TRIO: variants seen among roughly 807,000 people sequenced by gnomAD.
TRIO encodes trio Rho guanine nucleotide exchange factor.
TRIO carries 58 observed loss-of-function variants against 351.9 expected under a neutral mutation model. The observed-to-expected ratio is 0.16, with a 90% CI of 0.13 to 0.21. TRIO has a LOEUF of 0.21. Ranked by LOEUF, TRIO falls within the 10% of genes least tolerant of loss-of-function variation. The pLI, the probability that TRIO is intolerant of heterozygous loss-of-function variation, is 1.00. For missense variants in TRIO, 3,201 were observed against 4,027.8 expected (o/e 0.79, Z 5.56); for synonymous variants, 1,758 against 1,595.7 (o/e 1.10, Z -2.42).
intron 39 of TRIO, 69 bp from the exon 40 acceptor site, chr5:14,473,925 A>T: frequency 6.7e-7 from 1 of 1,496,656 alleles, no homozygotes; most frequent in Non-Finnish European, 9.2e-7. Context: ...TGTGACTATT[A>T]ATCAATAAGC....
At chr5:14,330,214 C>G (rs1740781016) in intron 9 of TRIO, among the ~76,000 whole-genome samples, 1 of 152,132 alleles carries the variant, frequency 6.6e-6, no homozygotes, top group African/African-American at 2.4e-5. Context: ...TAATTAAATT[C>G]ATGAAATGCT....
intron 33 of TRIO, among the ~76,000 whole-genome samples, chr5:14,415,844 T>A (rs1393735356): frequency 1.3e-5 from 2 of 152,224 alleles, no homozygotes; most frequent in African/African-American, 4.8e-5. Flanking sequence ...ATTAAGGCTG[T>A]TTTGTTGTCT....
At chr5:14,482,494 G>A (rs1755602304) in intron 45 of TRIO, 88 bp from the exon 46 acceptor site, 1 of 1,041,226 alleles carries the variant, frequency 9.6e-7, no homozygotes, top group Non-Finnish European at 1.3e-6. Flanking sequence ...TATTCCATAG[G>A]AGGAAATCTA....
intron 8 of TRIO, 52 bp downstream of exon 8, chr5:14,304,644 A>C (rs1217832501): frequency 2.6e-6 from 4 of 1,564,860 alleles, no homozygotes; most frequent in Non-Finnish European, 3.4e-6. Flanking sequence ...TTTGCATCAT[A>C]GTACACCGGA....
chr5:14,446,815 T>C (rs1365800836), intron 34 of TRIO, among the ~76,000 whole-genome samples: 1 of 152,216 alleles, frequency 6.6e-6, no homozygotes, highest in African/African-American at 2.4e-5. Context: ...TACTAGATAT[T>C]TGCTTTGTGG....
chr5:14,179,153 C>T (rs1210822740), intron 1 of TRIO, among the ~76,000 whole-genome samples: 2 of 152,174 alleles, frequency 1.3e-5, no homozygotes, highest in African/African-American at 2.4e-5. Flanking sequence ...GCCAGCACGT[C>T]GGTGTCCCGT....
At position 14,291,244 on chromosome 5, in the gene TRIO, G is replaced by T; in HGVS notation, c.1053+16G>T. Reference sequence around the variant, plus strand: ...TGCTGAGAAGGTAAAGACGGGGGAGGCTAATGCCTCAGTGGACATGGGGGA... The same window carrying T: ...TGCTGAGAAGGTAAAGACGGGGGAGTCTAATGCCTCAGTGGACATGGGGGA... On this transcript the variant is annotated intron_variant, in intron 5 of 56. Coordinates refer to ENST00000344204, the MANE Select transcript of TRIO (RefSeq NM_007118.4). The T allele has an allele frequency of 6.2e-7, 1 of 1,604,556 alleles. No homozygotes were observed. The highest frequency in any genetic ancestry group is 1.1e-5 in the South Asian group (1 of 89,566).
At chr5:14,291,521 G>A (rs1387100163) in intron 5 of TRIO, among the ~76,000 whole-genome samples, 1 of 151,846 alleles carries the variant, frequency 6.6e-6, no homozygotes, top group African/African-American at 2.4e-5. Flanking sequence ...TTTCGGCCGT[G>A]CTCACGCCTG....
Position 14,497,874 on chromosome 5 carries a change from G to A in TRIO, c.8047G>A (p.Val2683Ile), listed in dbSNP as rs1757002274. ...KLLNPNYIYD[V>I]PPEFVIPLSE... ...TCTCAATCCCAACTACATTTATGAC[G>A]GTGAGTTCTGTTCTTTTTCTTCTAG... The change falls in exon 51 of 57, where the codon GTT becomes ATT. Residue 2683 changes from valine (V) to isoleucine (I), a missense_variant and splice_region_variant. By Grantham distance (29) the Val-to-Ile change is conservative (BLOSUM62 3). Coordinates refer to ENST00000344204, the MANE Select transcript of TRIO (RefSeq NM_007118.4). The surrounding 1 kb of genome is among the most constrained non-coding windows in gnomAD (Gnocchi z 4.4). 3.1e-6 allele frequency: 5 copies of A among 1,614,160 alleles called. No homozygotes were observed. Among genetic ancestry groups the A allele is most frequent in the Non-Finnish European group, 4.2e-6 (5 of 1,180,028 alleles).
chr5:14,402,405 TA>T (rs1448840267), intron 31 of TRIO, among the ~76,000 whole-genome samples: 1 of 152,256 alleles, frequency 6.6e-6, no homozygotes, highest in Non-Finnish European at 1.5e-5. Flanking sequence ...TTTTGGGTAA[TA>T]CCTTTCTGAC....
chr5:14,178,913 C>T (rs983915614), intron 1 of TRIO, among the ~76,000 whole-genome samples: 6 of 152,294 alleles, frequency 3.9e-5, no homozygotes, highest in East Asian at 1.9e-4. Flanking sequence ...GTGGCTGAAT[C>T]GCTCATTTTG....
intron 11 of TRIO, among the ~76,000 whole-genome samples, chr5:14,347,514 A>G (rs955926056): frequency 5.1e-4 from 77 of 152,372 alleles, no homozygotes; most frequent in Admixed American, 1.4e-3. Context: ...TTATGTCTGT[A>G]TGTGACATCT....
intron 34 of TRIO, among the ~76,000 whole-genome samples, chr5:14,422,247 G>T (rs1750230833): frequency 6.6e-6 from 1 of 152,176 alleles, no homozygotes; most frequent in Non-Finnish European, 1.5e-5. Context: ...AGAACTCAGG[G>T]ACGGTATGGA....
chr5:14,148,152 G>T (rs1787623457), intron 1 of TRIO, among the ~76,000 whole-genome samples: 1 of 152,192 alleles, frequency 6.6e-6, no homozygotes, highest in South Asian at 2.1e-4. Context: ...AAAATTTAAA[G>T]AAGCCATTTC....
At chr5:14,156,876 A>G (rs1788130293) in intron 1 of TRIO, among the ~76,000 whole-genome samples, 1 of 152,240 alleles carries the variant, frequency 6.6e-6, no homozygotes, top group South Asian at 2.1e-4. Flanking sequence ...CTCCATCAAC[A>G]GCTTACTTTC....
rs753590324 is a variant in TRIO, at chr5:14,487,853, A to T, written c.7225A>T (p.Ile2409Phe). The part of the protein sequence containing the change: ...AEGSEREAEP[I>F]PKMKVLESPR... ...GGGGTCCGAGCGAGAAGCGGAGCCG[A>T]TCCCCAAGATGAAGGTGCTGGAGAG... The change falls in exon 48 of 57, where the codon ATC becomes TTC. Residue 2409 changes from isoleucine to phenylalanine, a missense_variant. By Grantham distance (21) the Ile-to-Phe change is conservative (BLOSUM62 0). Transcript: ENST00000344204. 1.3e-4 allele frequency: 193 copies of T among 1,528,818 alleles called. 1 individual carries two copies. Among genetic ancestry groups the T allele is most frequent in the Non-Finnish European group, 1.6e-5 (18 of 1,137,828 alleles). 94.7% of individuals were successfully genotyped at this position (1,528,818 alleles called of 1,614,324 possible). A position where few individuals can be genotyped will look rare whatever the true frequency, so the allele number is the denominator to read the frequency against.
chr5:14,445,662 G>C (rs956623088), intron 34 of TRIO, among the ~76,000 whole-genome samples: 1 of 152,170 alleles, frequency 6.6e-6, no homozygotes, highest in African/African-American at 2.4e-5. Flanking sequence ...TTATTCTTCT[G>C]TCTAAGGATA....
chr5:14,382,880 T>C (rs1291750106), intron 21 of TRIO, among the ~76,000 whole-genome samples: 2 of 151,710 alleles, frequency 1.3e-5, no homozygotes, highest in Admixed American at 1.3e-4. Flanking sequence ...ACATGGGATC[T>C]TGCTCTGTTA....
chr5:14,334,109 C>T (rs1265680116), intron 10 of TRIO, among the ~76,000 whole-genome samples: 4 of 152,188 alleles, frequency 2.6e-5, no homozygotes, highest in Non-Finnish European at 5.9e-5. Context: ...CTCTGTGCCT[C>T]GATTTCCTCG....
Sources: allele counts gnomAD v4.1 joint callset (sites outside exome capture counted in the v4.1 genomes callset), GRCh38; gene constraint gnomAD v4.1.1; non-coding constraint Gnocchi (gnomAD v3.1); transcripts MANE v1.5; gene names NCBI Gene and HGNC (gene_info 2026-07-23, HGNC 2026-07-21).